Variants in BRINP3 observed in about 807,000 individuals in gnomAD.
BRINP3 encodes BMP/retinoic acid-inducible neural-specific protein 3.
A neutral mutation model predicts 71.0 loss-of-function variants in BRINP3; 19 were observed. That is an observed-to-expected ratio of 0.27 (90% CI 0.19 to 0.39). The LOEUF (loss-of-function observed/expected upper bound fraction) is 0.39. Ranked by LOEUF, BRINP3 falls within the 10% of genes least tolerant of loss-of-function variation. The pLI is 1.00. For missense variants in BRINP3, 959 were observed against 940.8 expected (o/e 1.02, Z -0.25); for synonymous variants, 380 against 337.7 (o/e 1.13, Z -1.37).
At chr1:190,142,052 G>A (rs1347897791) in intron 7 of BRINP3, among the ~76,000 whole-genome samples, 2 of 152,020 alleles carry the variant, frequency 1.3e-5, no homozygotes, top group African/African-American at 2.4e-5. Context: ...AAGAAAATAT[G>A]GGAGAAAATC....
Position 190,217,371 on chromosome 1 carries a change from C to A in BRINP3, c.961+8711G>T, listed in dbSNP as rs183248955. Among the ~76,000 whole-genome samples the A allele has an allele frequency of 4.6e-5, 7 of 151,822 alleles. No individual in the cohort carries two copies. The East Asian group carries it at 1.4e-3, about 29-fold the overall frequency. The stretch of plus-strand genomic sequence containing the variant: ...GGCAAAAAAAAAATGTTTCTCTTAA[C>A]CAAAAGCTTTTCTCAAAACTATTAC... On this transcript the variant is annotated intron_variant, in intron 6 of 7. Coordinates refer to ENST00000367462, the MANE Select transcript of BRINP3 (RefSeq NM_199051.3).
chr1:190,113,585 C>T (rs913751469), intron 7 of BRINP3, among the ~76,000 whole-genome samples: 2 of 152,142 alleles, frequency 1.3e-5, no homozygotes, highest in African/African-American at 4.8e-5. Context: ...CATTTCTAAA[C>T]ATCTGGAATT....
intron 6 of BRINP3, among the ~76,000 whole-genome samples, chr1:190,212,740 T>C (rs897427180): frequency 6.6e-6 from 1 of 152,122 alleles, no homozygotes; most frequent in Non-Finnish European, 1.5e-5. Flanking sequence ...CAGTGACGAT[T>C]ATCTGTATGC....
intron 7 of BRINP3, among the ~76,000 whole-genome samples, chr1:190,150,621 A>G (rs1656308552): frequency 1.3e-5 from 2 of 152,306 alleles, no homozygotes; most frequent in East Asian, 1.9e-4. Context: ...TAGGACAAGC[A>G]TCTACATATT....
rs74129274 is a variant in BRINP3 at position 190,303,754 on chromosome 1, C to T, written c.237-22004G>A. Among the ~76,000 whole-genome samples the T allele has an allele frequency of 2.6e-3, 388 of 151,786 alleles. 1 individual carries two copies. The highest frequency in any genetic ancestry group is 8.7e-3 in the African/African-American group (362 of 41,492). ...AACTACTTTGAATTTGGCTCAGTCT[C>T]AATATTCAATTATTAATGTGATATA... On this transcript the variant is annotated intron_variant, in intron 2 of 7. Coordinates refer to ENST00000367462, the MANE Select transcript of BRINP3 (RefSeq NM_199051.3).
At chr1:190,231,035 T>A (rs1381858330) in intron 5 of BRINP3, among the ~76,000 whole-genome samples, 1 of 151,664 alleles carries the variant, frequency 6.6e-6, no homozygotes. Flanking sequence ...CTAAAAATTT[T>A]AAAAATATTT....
intron 7 of BRINP3, among the ~76,000 whole-genome samples, chr1:190,141,756 C>A (rs1040987152): frequency 2.0e-5 from 3 of 151,690 alleles, no homozygotes; most frequent in African/African-American, 7.3e-5. Context: ...GACAGGATTT[C>A]ACCATGTTGG....
intron 6 of BRINP3, among the ~76,000 whole-genome samples, chr1:190,193,850 T>C (rs955318985): frequency 6.6e-6 from 1 of 152,046 alleles, no homozygotes; most frequent in African/African-American, 2.4e-5. Flanking sequence ...GTAAAAAATA[T>C]AGGGCTCCTA....
chr1:190,344,391 G>A (rs935625813), intron 2 of BRINP3, among the ~76,000 whole-genome samples: 10 of 151,804 alleles, frequency 6.6e-5, no homozygotes, highest in African/African-American at 1.7e-4. Context: ...GCAGTTTGAC[G>A]CTACAGAGCT....
intron 6 of BRINP3, among the ~76,000 whole-genome samples, chr1:190,162,466 C>G (rs577577582): frequency 6.6e-4 from 100 of 150,514 alleles, no homozygotes; most frequent in African/African-American, 2.3e-3. Flanking sequence ...TTGATCATAT[C>G]CTATATTTTA....
chr1:190,257,012 A>C (rs775698509), intron 4 of BRINP3, among the ~76,000 whole-genome samples: 9 of 152,112 alleles, frequency 5.9e-5, no homozygotes, highest in Non-Finnish European at 1.2e-4. Context: ...TCTCTGTATT[A>C]CCTGAATTTG....
intron 2 of BRINP3, among the ~76,000 whole-genome samples, chr1:190,375,266 T>C (rs1190663274): frequency 1.3e-5 from 2 of 151,926 alleles, no homozygotes; most frequent in African/African-American, 4.8e-5. Flanking sequence ...TATATATTTG[T>C]ATATGTAAAT....
At chr1:190,199,195 T>A (rs2102603633) in intron 6 of BRINP3, among the ~76,000 whole-genome samples, 1 of 152,258 alleles carries the variant, frequency 6.6e-6, no homozygotes, top group Non-Finnish European at 1.5e-5. Context: ...ATCATTCAAT[T>A]ACCTCCCACT....
intron 7 of BRINP3, among the ~76,000 whole-genome samples, chr1:190,139,451 C>G (rs1398178504): frequency 1.1e-5 from 1 of 87,594 alleles, no homozygotes; most frequent in Non-Finnish European, 2.3e-5. Context: ...GACTCTGTCT[C>G]AAAAAAAAAA....
At chr1:190,253,201 A>G (rs979164839) in intron 4 of BRINP3, among the ~76,000 whole-genome samples, 1 of 152,100 alleles carries the variant, frequency 6.6e-6, no homozygotes, top group Non-Finnish European at 1.5e-5. Flanking sequence ...GGTTGGTTCC[A>G]AGTCTTTGCT....
At chr1:190,389,196 C>A (rs188761564) in intron 2 of BRINP3, among the ~76,000 whole-genome samples, 1 of 151,482 alleles carries the variant, frequency 6.6e-6, no homozygotes, top group African/African-American at 2.4e-5. Context: ...TATTGTTTAC[C>A]AGTTATAAAA....
chr1:190,224,152 C>T (rs556398551), intron 6 of BRINP3, among the ~76,000 whole-genome samples: 1 of 151,420 alleles, frequency 6.6e-6, no homozygotes, highest in South Asian at 2.1e-4. Flanking sequence ...AAAATATGTG[C>T]AGGACATCAA....
intron 7 of BRINP3, among the ~76,000 whole-genome samples, chr1:190,114,252 G>A (rs1041389246): frequency 6.6e-6 from 1 of 152,130 alleles, no homozygotes; most frequent in Non-Finnish European, 1.5e-5. Flanking sequence ...TGAGCTTCCT[G>A]AGGCCTCCCT....
chr1:190,210,321 T>C (rs1237872456), intron 6 of BRINP3, among the ~76,000 whole-genome samples: 1 of 152,126 alleles, frequency 6.6e-6, no homozygotes, highest in African/African-American at 2.4e-5. Context: ...CTCTTCACTA[T>C]AGCATGTGTA....
Sources: allele counts gnomAD v4.1 joint callset (sites outside exome capture counted in the v4.1 genomes callset), GRCh38; gene constraint gnomAD v4.1.1; transcripts MANE v1.5; gene names NCBI Gene and HGNC (gene_info 2026-07-23, HGNC 2026-07-21).